The following NECTIN1 variants were observed in gnomAD, a reference collection of about 807,000 sequenced individuals.
NECTIN1 encodes nectin-1.
NECTIN1 carries 23 observed loss-of-function variants against 48.0 expected under a neutral mutation model. The ratio of observed to expected loss-of-function variants is 0.48; its 90% confidence interval spans 0.34 to 0.68. The LOEUF (loss-of-function observed/expected upper bound fraction) is 0.68. Ranked by LOEUF, NECTIN1 falls within the 30% of genes least tolerant of loss-of-function variation. The pLI, the probability that NECTIN1 is intolerant of heterozygous loss-of-function variation, is 0.01. For missense variants in NECTIN1, 591 were observed against 709.9 expected (o/e 0.83, Z 1.90); for synonymous variants, 270 against 288.9 (o/e 0.93, Z 0.66).
chr11:119,639,920 C>T (rs1276610481), exon 6 of NECTIN1: 1 of 1,614,216 alleles, frequency 6.2e-7, no homozygotes, highest in African/African-American at 1.3e-5. Context: ...AGGAAGAAGA[C>T]AGTGAGCACA....
Position 119,684,154 on chromosome 11 carries a change from C to T in NECTIN1, c.80-5389G>A, listed in dbSNP as rs543471886. Among the ~76,000 whole-genome samples, 6 of 152,374 alleles carry T rather than the reference C, an allele frequency of 3.9e-5. No homozygotes were observed. The East Asian group carries it at 9.6e-4, about 25-fold the overall frequency. On this transcript the variant is annotated intron_variant, in intron 1 of 5. Transcript: ENST00000264025. This position sits in a 1 kb window ranked among gnomAD's most constrained non-coding sequence, Gnocchi z 5.2. ...CTTCCTGCCCTTTTAACCCCCAGACCCCTCTTCCTAGCCAAGCAGGCTGGA... is the reference window on the plus strand; with the variant it reads ...CTTCCTGCCCTTTTAACCCCCAGACTCCTCTTCCTAGCCAAGCAGGCTGGA...
chr11:119,680,544 G>C (rs1865042479), intron 1 of NECTIN1, among the ~76,000 whole-genome samples: 1 of 152,206 alleles, frequency 6.6e-6, no homozygotes, highest in Non-Finnish European at 1.5e-5. Context: ...CAAAACCCAT[G>C]GTCAGTGCAG....
chr11:119,638,281 T>C, intron 7 of NECTIN1: 3 of 1,612,884 alleles, frequency 1.9e-6, no homozygotes, highest in Non-Finnish European at 2.5e-6. Flanking sequence ...TGCACAGACC[T>C]TTCCATGCCC....
chr11:119,725,086 T>C (rs572212664), intron 1 of NECTIN1, among the ~76,000 whole-genome samples: 1 of 152,296 alleles, frequency 6.6e-6, no homozygotes, highest in Admixed American at 6.5e-5. Flanking sequence ...TATTTTCTGT[T>C]TGTGCTGAAC....
chr11:119,640,844 G>A (rs1490738143), intron 5 of NECTIN1: 1 of 152,220 alleles, frequency 6.6e-6, no homozygotes, highest in Non-Finnish European at 1.5e-5. Flanking sequence ...GCGTGGAGTG[G>A]GGGGTAGGGA....
intron 1 of NECTIN1, among the ~76,000 whole-genome samples, chr11:119,686,344 A>G (rs1409904652): frequency 1.3e-5 from 2 of 152,010 alleles, no homozygotes; most frequent in Admixed American, 6.6e-5. Context: ...AGCACCTGCC[A>G]TCTCTTGCCT....
At chr11:119,685,246 C>G (rs1218664606) in intron 1 of NECTIN1, among the ~76,000 whole-genome samples, 1 of 152,222 alleles carries the variant, frequency 6.6e-6, no homozygotes, top group East Asian at 1.9e-4. Flanking sequence ...CCTTTGGGGT[C>G]ACAAAAACTG....
Position 119,664,605 on chromosome 11 carries a change from G to GC in NECTIN1, c.*141dup. On this transcript the variant is annotated 3_prime_UTR_variant, in exon 6 of 6. Coordinates refer to ENST00000264025, the MANE Select transcript of NECTIN1 (RefSeq NM_002855.5). ...GTCGTGGCTGCCCTGGGCTCCCCTG[G>GC]CCCCCCAGGAGTTCGGGGCTGGCTT... 1 of 1,434,300 alleles carries GC rather than the reference G, an allele frequency of 7.0e-7. No homozygotes were observed. The highest frequency in any genetic ancestry group is 9.1e-7 in the Non-Finnish European group (1 of 1,095,478). The allele number at this position is 1,434,300 out of a possible 1,614,324, so 88.8% of individuals were successfully genotyped here.
chr11:119,638,202 C>T (rs1413763681), exon 8 of NECTIN1: 1 of 1,614,098 alleles, frequency 6.2e-7, no homozygotes, highest in Admixed American at 1.7e-5. Context: ...TTCTGCAAGT[C>T]CTCCTCTTCT....
rs1360228929 is a variant in NECTIN1, at chr11:119,672,404, T to A, written c.1003+2755A>T. 6.6e-6 allele frequency among the ~76,000 whole-genome samples: 1 copy of A among 152,144 alleles called. No homozygotes were observed. The highest frequency in any genetic ancestry group is 1.9e-4 in the East Asian group (1 of 5,188). ...GGAGGGAGCTTCATTTTGTGACCAC[T>A]GGGCCCACCCCATGAAACTGCTCCT... is the stretch of plus-strand genomic sequence containing the variant. On this transcript the variant is annotated intron_variant, in intron 5 of 5. Coordinates refer to ENST00000264025, the MANE Select transcript of NECTIN1 (RefSeq NM_002855.5). This position sits in a 1 kb window ranked among gnomAD's most constrained non-coding sequence, Gnocchi z 4.3.
chr11:119,643,149 C>T (rs796801912), intron 5 of NECTIN1, among the ~76,000 whole-genome samples: 21 of 152,326 alleles, frequency 1.4e-4, no homozygotes, highest in African/African-American at 4.8e-4. Flanking sequence ...CTCTCAATAT[C>T]TGAGTGCAAC....
At position 119,686,805 on chromosome 11, in the gene NECTIN1, G is replaced by A. The variant is rs146701487; in HGVS notation, c.80-8040C>T. On this transcript the variant is annotated intron_variant, in intron 1 of 5. Transcript: ENST00000264025. ...TCCTCTTCCCACCTTCATGGATTGC[G>A]TGTTCCTGCACCCCCAGGGTCCCAG... Among the ~76,000 whole-genome samples, 752 of 152,228 alleles carry A rather than the reference G, an allele frequency of 4.9e-3. 2 individuals are homozygous for A. The highest frequency in any genetic ancestry group is 7.8e-3 in the Non-Finnish European group (529 of 68,016).
At chr11:119,669,673 C>T (rs1031526626) in intron 5 of NECTIN1, among the ~76,000 whole-genome samples, 8 of 152,140 alleles carry the variant, frequency 5.3e-5, no homozygotes, top group East Asian at 3.9e-4. Context: ...CCCTACGCCC[C>T]GCCCCACCTC....
At chr11:119,658,116 G>T (rs188146823), downstream of NECTIN1, among the ~76,000 whole-genome samples, 1 of 152,166 alleles carries the variant, frequency 6.6e-6, no homozygotes, top group Non-Finnish European at 1.5e-5. Context: ...CTCAAGCCGA[G>T]CGGCCAGCCA....
chr11:119,678,356 G>C lies in NECTIN1; in HGVS notation c.430+59C>G, dbSNP rs1864997099. 6.7e-7 allele frequency: 1 copy of C among 1,494,246 alleles called. No individual in the cohort carries two copies. The highest frequency in any genetic ancestry group is 1.1e-5 in the South Asian group (1 of 88,574). 92.6% of individuals were successfully genotyped at this position (1,494,246 alleles called of 1,614,324 possible). Reference sequence around the variant, plus strand: ...GGGTCATTGAGGCATCCTGAGGATGGCCACGCCCCGAGGTCACAGGCCTCT... The same window carrying C: ...GGGTCATTGAGGCATCCTGAGGATGCCCACGCCCCGAGGTCACAGGCCTCT... On this transcript the variant is annotated intron_variant, in intron 2 of 5. Transcript: ENST00000264025. The surrounding 1 kb of genome is among the most constrained non-coding windows in gnomAD (Gnocchi z 4.4).
At chr11:119,688,828 G>A (rs1462629879) in intron 1 of NECTIN1, among the ~76,000 whole-genome samples, 1 of 152,112 alleles carries the variant, frequency 6.6e-6, no homozygotes, top group Admixed American at 6.5e-5. Flanking sequence ...TTGTGTTTGG[G>A]GGAGACAGGT....
In NECTIN1 at chr11:119,720,728, G is replaced by C. The variant is rs192627573; in HGVS notation, c.79+7747C>G. Among the ~76,000 whole-genome samples, 29 of 152,326 alleles carry C rather than the reference G, an allele frequency of 1.9e-4. No homozygotes were observed. In the East Asian group the frequency reaches 5.4e-3, roughly 28 times the overall value. On this transcript the variant is annotated intron_variant, in intron 1 of 5. Transcript: ENST00000264025. ...CAGGGGAGGGACGCAAAGCAGAGGG[G>C]AAGGTACAGGCAGAGAGAAGGCTGC...
chr11:119,675,442 A>G, intron 4 of NECTIN1, 132 bp from the exon 5 acceptor site: 1 of 775,962 alleles, frequency 1.3e-6, no homozygotes, highest in Non-Finnish European at 2.2e-6. Context: ...TCTTTGAAGG[A>G]AGAAAAATAA....
intron 1 of NECTIN1, among the ~76,000 whole-genome samples, chr11:119,698,490 C>A (rs1416921006): frequency 6.6e-6 from 1 of 152,240 alleles, no homozygotes; most frequent in Non-Finnish European, 1.5e-5. Context: ...AAGGGAAGCA[C>A]AATCTGTCCC....
Sources: gnomAD v4.1 joint callset for allele counts (sites outside exome capture counted in the v4.1 genomes callset) on GRCh38, gnomAD v4.1.1 for gene constraint, Gnocchi (gnomAD v3.1) non-coding constraint, MANE v1.5 for transcripts, NCBI Gene and HGNC (gene_info 2026-07-23, HGNC 2026-07-21) for gene names.